FOXP1: variants seen among roughly 807,000 people sequenced by gnomAD.
The protein encoded by FOXP1 is forkhead box protein P1.
A neutral mutation model predicts 98.2 loss-of-function variants in FOXP1; 15 were observed. The observed-to-expected ratio is 0.15, with a 90% CI of 0.10 to 0.24. FOXP1 has a LOEUF of 0.24. FOXP1 is among the 10% of genes least tolerant of loss of function. FOXP1 has a pLI of 1.00. For synonymous variants in FOXP1, 371 were observed against 314.5 expected, an observed-to-expected ratio of 1.18 and a Z score of -1.90; for missense variants, 633 against 848.5, an observed-to-expected ratio of 0.75 and a Z score of 3.15.
chr3:71,233,682 C>T (rs1279468514), intron 5 of FOXP1, among the ~76,000 whole-genome samples: 4 of 148,036 alleles, frequency 2.7e-5, no homozygotes, highest in Non-Finnish European at 6.0e-5. Context: ...CCTGCCTCGG[C>T]CTCGCACCCC....
intron 19 of FOXP1, chr3:70,969,880 A>AACAGGACCACTGG (rs1032368447): frequency 2.0e-5 from 3 of 152,022 alleles, no homozygotes; most frequent in Non-Finnish European, 4.4e-5. Flanking sequence ...TAGGGGCAAA[A>AACAGGACCACTGG]ACAGGACCAC....
chr3:71,583,295 G>C (rs1200508630), intron 1 of FOXP1, among the ~76,000 whole-genome samples: 1 of 152,040 alleles, frequency 6.6e-6, no homozygotes, highest in Non-Finnish European at 1.5e-5. Context: ...GGGCGCCGCC[G>C]GAGCTCCCTC....
intron 12 of FOXP1, among the ~76,000 whole-genome samples, chr3:71,006,240 A>T (rs1488624133): frequency 1.3e-5 from 2 of 152,072 alleles, no homozygotes; most frequent in Non-Finnish European, 2.9e-5. Flanking sequence ...CAACTAACTT[A>T]ATCTCTCAAT....
intron 2 of FOXP1, among the ~76,000 whole-genome samples, chr3:71,558,628 G>A (rs2046315084): frequency 6.6e-6 from 1 of 151,450 alleles, no homozygotes; most frequent in African/African-American, 2.4e-5. Flanking sequence ...ACAAGTAGCT[G>A]GGACCACAGG....
In FOXP1 at chr3:70,956,408, A is replaced by AATT. The variant is rs2031791252; in HGVS notation, c.*2836_*2838dup. On this transcript the variant is annotated 3_prime_UTR_variant, in exon 21 of 21. Coordinates refer to ENST00000649528, the MANE Select transcript of FOXP1 (RefSeq NM_001349338.3). ...ATACCTGCAAAGATATGTAAAATCT[A>AATT]ATTTTTCTTTTTTTTTTTTTTTTGC... The AATT allele has an allele frequency of 4.4e-6, 1 of 227,552 alleles. No individual in the cohort carries two copies. Among genetic ancestry groups the AATT allele is most frequent in the East Asian group, 6.2e-5 (1 of 16,224 alleles). The allele number at this position is 227,552 out of a possible 1,614,324, so 14.1% of individuals were successfully genotyped here. A position where few individuals can be genotyped will look rare whatever the true frequency, so the allele number is the denominator to read the frequency against.
chr3:71,496,108 A>C (rs2091387628), intron 2 of FOXP1, among the ~76,000 whole-genome samples: 2 of 152,240 alleles, frequency 1.3e-5, no homozygotes, highest in Non-Finnish European at 2.9e-5. Context: ...AGAATTTTTC[A>C]AAGATGGCAG....
intron 4 of FOXP1, among the ~76,000 whole-genome samples, chr3:71,327,499 T>C (rs1229467593): frequency 6.7e-6 from 1 of 149,242 alleles, no homozygotes; most frequent in African/African-American, 2.5e-5. Flanking sequence ...GCCATTCTCC[T>C]GCCTTAGCCT....
intron 2 of FOXP1, among the ~76,000 whole-genome samples, chr3:71,566,917 C>G (rs1578207750): frequency 6.6e-6 from 1 of 152,068 alleles, no homozygotes; most frequent in Non-Finnish European, 1.5e-5. Context: ...ACACACACAC[C>G]CATCTTCTCC....
intron 13 of FOXP1, among the ~76,000 whole-genome samples, chr3:70,994,284 C>T (rs543168945): frequency 5.9e-5 from 9 of 151,998 alleles, no homozygotes; most frequent in African/African-American, 2.2e-4. Flanking sequence ...TCCCAGCTTG[C>T]CCAGGACTCT....
intron 3 of FOXP1, among the ~76,000 whole-genome samples, chr3:71,363,249 G>C (rs2078695827): frequency 6.6e-6 from 1 of 152,108 alleles, no homozygotes; most frequent in Admixed American, 6.5e-5. Context: ...ATAAGTAACA[G>C]TGGTAGTATT....
chr3:71,444,055 C>G (rs570377317), intron 3 of FOXP1, among the ~76,000 whole-genome samples: 3 of 152,348 alleles, frequency 2.0e-5, no homozygotes, highest in South Asian at 2.1e-4. Flanking sequence ...TGCACTATAG[C>G]TACTGACTTT....
At chr3:71,173,025 A>G (rs2061726618) in intron 6 of FOXP1, among the ~76,000 whole-genome samples, 5 of 152,222 alleles carry the variant, frequency 3.3e-5, no homozygotes, top group Admixed American at 3.3e-4. Flanking sequence ...AAGTTACAGC[A>G]GCAACACTCA....
chr3:71,152,826 A>G (rs1026995980), intron 6 of FOXP1, among the ~76,000 whole-genome samples: 2 of 152,238 alleles, frequency 1.3e-5, no homozygotes, highest in Non-Finnish European at 2.9e-5. Flanking sequence ...ATTGAAATAC[A>G]CATTCCTGTT....
At chr3:71,365,891 G>C (rs886745490) in intron 3 of FOXP1, among the ~76,000 whole-genome samples, 2 of 152,202 alleles carry the variant, frequency 1.3e-5, no homozygotes, top group Non-Finnish European at 2.9e-5. Context: ...GCTGAGGCAG[G>C]AGAATTGCTT....
chr3:71,167,001 G>A (rs2108187184), intron 6 of FOXP1, among the ~76,000 whole-genome samples: 1 of 152,064 alleles, frequency 6.6e-6, no homozygotes, highest in South Asian at 2.1e-4. Flanking sequence ...TCTGTGACAG[G>A]CAGAATCAAT....
intron 5 of FOXP1, chr3:71,210,730 G>A (rs898528901): frequency 1.3e-5 from 2 of 152,122 alleles, no homozygotes; most frequent in African/African-American, 4.8e-5. Context: ...AAAAGTGAAG[G>A]GGCTTCTATA....
chr3:71,288,066 G>A (rs137936209), intron 5 of FOXP1, among the ~76,000 whole-genome samples: 6,642 of 152,104 alleles, frequency 0.044, 227 homozygotes, highest in African/African-American at 0.098. Flanking sequence ...TTTTAGTAGA[G>A]ACGGGGTTTC....
rs145359857 is a variant in FOXP1, at chr3:71,450,290, T to A, written c.-168+43136A>T. On this transcript the variant is annotated intron_variant, in intron 3 of 20. Transcript: ENST00000649528. ...TACCTCCATGCTGGCAATTTTTAGA[T>A]GTACTTCACCTGCTATCAGAACAGA... Among the ~76,000 whole-genome samples the A allele has an allele frequency of 3.3e-5, 5 of 152,362 alleles. No homozygotes were observed. In the East Asian group the frequency reaches 9.6e-4, roughly 29 times the overall value.
At chr3:71,512,890 C>T (rs1281960805) in intron 2 of FOXP1, among the ~76,000 whole-genome samples, 1 of 152,158 alleles carries the variant, frequency 6.6e-6, no homozygotes, top group East Asian at 1.9e-4. Context: ...AGCACGCCAG[C>T]CCTACGGCTC....
Sources: allele counts gnomAD v4.1 joint callset (sites outside exome capture counted in the v4.1 genomes callset), GRCh38; gene constraint gnomAD v4.1.1; transcripts MANE v1.5; gene names NCBI Gene and HGNC (gene_info 2026-07-23, HGNC 2026-07-21).